The following USH2A variants were observed in gnomAD, a reference collection of about 807,000 sequenced individuals.
USH2A encodes the protein Usher syndrome 2A (autosomal recessive, mild).
A neutral mutation model predicts 538.9 loss-of-function variants in USH2A; 443 were observed. The observed-to-expected ratio is 0.82, with a 90% CI of 0.76 to 0.89. The LOEUF (loss-of-function observed/expected upper bound fraction) is 0.89. USH2A is among the 40% of genes least tolerant of loss of function. USH2A has a pLI of 0.00. For synonymous variants in USH2A, 2,413 were observed against 2,273.5 expected, an observed-to-expected ratio of 1.06 and a Z score of -1.75; for missense variants, 6,633 against 6,324.8, an observed-to-expected ratio of 1.05 and a Z score of -1.65.
At chr1:215,939,290 A>G (rs905414068) in intron 37 of USH2A, among the ~76,000 whole-genome samples, 1 of 152,166 alleles carries the variant, frequency 6.6e-6, no homozygotes, top group Non-Finnish European at 1.5e-5. Flanking sequence ...TAGAATTTCT[A>G]CATAAACTCC....
chr1:216,409,345 CA>C (rs1352339007), intron 3 of USH2A, among the ~76,000 whole-genome samples: 1 of 152,024 alleles, frequency 6.6e-6, no homozygotes, highest in Non-Finnish European at 1.5e-5. Flanking sequence ...TTCTATCAAA[CA>C]AACAACGACA....
At chr1:216,061,766 A>AAT (rs2031191824) in intron 30 of USH2A, among the ~76,000 whole-genome samples, 1 of 152,210 alleles carries the variant, frequency 6.6e-6, no homozygotes, top group African/African-American at 2.4e-5. Flanking sequence ...AAACGAGACC[A>AAT]GGCAGAGACA....
chr1:216,206,454 C>A (rs1028829859), intron 16 of USH2A, among the ~76,000 whole-genome samples: 4 of 152,078 alleles, frequency 2.6e-5, no homozygotes, highest in Admixed American at 2.6e-4. Context: ...CCCTCGCATG[C>A]ACAGTTCGCA....
chr1:216,034,261 A>T (rs1394419728), intron 32 of USH2A, among the ~76,000 whole-genome samples: 1 of 152,194 alleles, frequency 6.6e-6, no homozygotes, highest in Non-Finnish European at 1.5e-5. Flanking sequence ...AGACACCAAG[A>T]GAAGAATGTT....
At chr1:215,627,416 C>T (rs1017463883) in intron 71 of USH2A, among the ~76,000 whole-genome samples, 3 of 112,590 alleles carry the variant, frequency 2.7e-5, no homozygotes, top group Non-Finnish European at 3.7e-5. Flanking sequence ...TTCCTTCCTT[C>T]CTTCCTTCCT....
chr1:216,311,533 G>A (rs898736845), intron 9 of USH2A, among the ~76,000 whole-genome samples: 3 of 152,084 alleles, frequency 2.0e-5, no homozygotes, highest in Admixed American at 6.6e-5. Flanking sequence ...AATTTCTGGT[G>A]ATAATCTCAG....
chr1:215,845,979 G>A lies in USH2A; in HGVS notation c.8900C>T (p.Ala2967Val). 6.2e-7 allele frequency: 1 copy of A among 1,612,908 alleles called. No individual in the cohort carries two copies. The highest frequency in any genetic ancestry group is 8.5e-7 in the Non-Finnish European group (1 of 1,179,168). The change falls in exon 45 of 72, where the codon GCT (alanine) becomes GTT (valine). Residue 2967 changes from alanine to valine, a missense_variant. Ala to Val is a moderately conservative substitution (Grantham distance 64). Coordinates refer to ENST00000307340, the MANE Select transcript of USH2A (RefSeq NM_206933.4). Reference protein sequence around the residue: ...VEYYTLFWSSATSNDSLKILP... With the variant: ...VEYYTLFWSSVTSNDSLKILP... ...GATTTTTAGAGAGTCGTTTGAGGTA[G>A]CAGAACTCCAAAAAAGTGTGTAATA...
chr1:215,643,726 T>G (rs1656764017), intron 67 of USH2A, among the ~76,000 whole-genome samples: 1 of 152,074 alleles, frequency 6.6e-6, no homozygotes, highest in Admixed American at 6.6e-5. Flanking sequence ...ATAGGTGTCT[T>G]GATATGTTGC....
chr1:215,866,907 C>G (rs1664483598), intron 44 of USH2A, 100 bp downstream of exon 44: 2 of 1,517,130 alleles, frequency 1.3e-6, no homozygotes, highest in Admixed American at 1.8e-5. Flanking sequence ...TAACACTTCA[C>G]TATCAAAATG....
intron 32 of USH2A, among the ~76,000 whole-genome samples, chr1:216,044,734 G>A (rs949341483): frequency 2.6e-5 from 4 of 152,054 alleles, no homozygotes; most frequent in African/African-American, 9.7e-5. Context: ...AACACAGCCG[G>A]AATGCTTGGG....
chr1:215,683,572 G>A (rs1008165508), intron 61 of USH2A, among the ~76,000 whole-genome samples: 2 of 152,132 alleles, frequency 1.3e-5, no homozygotes, highest in African/African-American at 4.8e-5. Context: ...ATTTGCTTGA[G>A]CACTGTGGAT....
chr1:216,062,960 AG>A (rs1200302044), intron 30 of USH2A, among the ~76,000 whole-genome samples: 1 of 152,228 alleles, frequency 6.6e-6, no homozygotes, highest in Non-Finnish European at 1.5e-5. Context: ...TAATTGGTAA[AG>A]AACCCTACGC....
At chr1:215,889,455 C>T (rs1665153984) in intron 40 of USH2A, among the ~76,000 whole-genome samples, 1 of 152,158 alleles carries the variant, frequency 6.6e-6, no homozygotes, top group African/African-American at 2.4e-5. Flanking sequence ...ATCAATAACA[C>T]TATCATAACA....
intron 37 of USH2A, among the ~76,000 whole-genome samples, chr1:215,940,468 C>A (rs913226566): frequency 6.6e-6 from 1 of 152,022 alleles, no homozygotes; most frequent in African/African-American, 2.4e-5. Flanking sequence ...AACCAAAAAG[C>A]AAGTGTTTCT....
chr1:215,894,178 G>A (rs1168235067), intron 40 of USH2A, among the ~76,000 whole-genome samples: 3 of 152,124 alleles, frequency 2.0e-5, no homozygotes, highest in African/African-American at 7.2e-5. Flanking sequence ...AAATAGTTGT[G>A]TAGCACTACT....
chr1:216,198,985 C>T (rs183742939), intron 17 of USH2A, among the ~76,000 whole-genome samples: 143 of 152,244 alleles, frequency 9.4e-4, no homozygotes, highest in Non-Finnish European at 1.6e-3. Context: ...AGTCTGTATC[C>T]TTTCAAATTT....
In USH2A at chr1:215,817,108, G is replaced by T. The variant is rs73090721; in HGVS notation, c.9459C>A (p.Cys3153Ter). The T allele has an allele frequency of 1.3e-5, 21 of 1,612,784 alleles. No homozygotes were observed. Among genetic ancestry groups the T allele is most frequent in the Non-Finnish European group, 1.7e-5 (20 of 1,179,082 alleles). ...CCTGCACTAACTTTTGAGTTTTAGC[G>T]CATGGATACCATGTTTTCCATAGGA... ...YDLLWKTWYP[C>*]AKTQKLVQDQ... Residue 3153 changes from cysteine (C) to a stop codon, truncating the protein, a stop_gained, in exon 48 of 72, where the codon TGC (cysteine) becomes TGA (stop). Coordinates refer to ENST00000307340, the MANE Select transcript of USH2A (RefSeq NM_206933.4). LOFTEE classifies it high-confidence loss of function.
intron 3 of USH2A, among the ~76,000 whole-genome samples, chr1:216,400,816 A>G (rs1489913660): frequency 6.6e-6 from 1 of 152,194 alleles, no homozygotes; most frequent in East Asian, 1.9e-4. Context: ...TTAACTGTCA[A>G]TCATAAATTT....
At chr1:215,682,846 A>ATTAT (rs897654627) in intron 61 of USH2A, among the ~76,000 whole-genome samples, 3 of 151,378 alleles carry the variant, frequency 2.0e-5, no homozygotes, top group South Asian at 2.1e-4. Context: ...CTCATATTAC[A>ATTAT]TTATTTATTT....
Sources: gnomAD v4.1 joint callset for allele counts (sites outside exome capture counted in the v4.1 genomes callset) on GRCh38, gnomAD v4.1.1 for gene constraint, MANE v1.5 for transcripts, NCBI Gene and HGNC (gene_info 2026-07-23, HGNC 2026-07-21) for gene names.